SYT16: variants seen among roughly 807,000 people sequenced by gnomAD.
SYT16 encodes synaptotagmin 16.
A neutral mutation model predicts 61.4 loss-of-function variants in SYT16; 42 were observed. That is an observed-to-expected ratio of 0.68 (90% CI 0.53 to 0.89). The LOEUF is 0.89. Among genes scored for constraint, SYT16 ranks in the 40% least tolerant of loss-of-function variants. The pLI is 0.00. For synonymous variants in SYT16, 314 were observed against 302.3 expected (o/e 1.04, Z -0.40); for missense variants, 804 against 807.3 (o/e 1.00, Z 0.05).
chr14:61,962,870 G>T (rs2051168549), intron 1 of SYT16, among the ~76,000 whole-genome samples: 1 of 152,026 alleles, frequency 6.6e-6, no homozygotes, highest in Non-Finnish European at 1.5e-5. Flanking sequence ...TTTATTAGTT[G>T]TACTTCTCAT....
intron 3 of SYT16, among the ~76,000 whole-genome samples, chr14:62,066,820 TG>T (rs2140933883): frequency 6.6e-6 from 1 of 152,356 alleles, no homozygotes; most frequent in Non-Finnish European, 1.5e-5. Context: ...CAGTCTGATG[TG>T]CTCCTCGCCC....
Position 62,069,583 on chromosome 14 carries a change from T to C in SYT16, c.524-20T>C, listed in dbSNP as rs201851948. On this transcript the variant is annotated intron_variant, in intron 3 of 7. Transcript: ENST00000683842. ...GCATATAGGCCACACAGGAGACTCA[T>C]GGCTCTTGTTTACTCCCAGTCAACA... 24 of 1,609,866 alleles carry C rather than the reference T, an allele frequency of 1.5e-5. No homozygotes were observed. In the African/African-American group the frequency reaches 1.9e-4, roughly 13 times the overall value.
intron 1 of SYT16, among the ~76,000 whole-genome samples, chr14:61,891,454 T>G (rs2048128362): frequency 6.6e-6 from 1 of 152,206 alleles, no homozygotes; most frequent in Non-Finnish European, 1.5e-5. Context: ...TCATGTTGGA[T>G]GATTTCAGCA....
chr14:61,933,997 A>G (rs1270739987), intron 1 of SYT16, among the ~76,000 whole-genome samples: 2 of 152,198 alleles, frequency 1.3e-5, no homozygotes, highest in East Asian at 1.9e-4. Flanking sequence ...ATGTATGTAT[A>G]CAAGTACATA....
intron 1 of SYT16, among the ~76,000 whole-genome samples, chr14:61,849,332 G>A (rs982593584): frequency 3.9e-5 from 6 of 152,152 alleles, no homozygotes; most frequent in African/African-American, 9.7e-5. Flanking sequence ...CCAGTGTCTC[G>A]CTGGGTCATG....
At chr14:61,898,897 G>A (rs1294289090) in intron 1 of SYT16, among the ~76,000 whole-genome samples, 1 of 152,162 alleles carries the variant, frequency 6.6e-6, no homozygotes, top group African/African-American at 2.4e-5. Flanking sequence ...AGAGAAGAGA[G>A]GGACGAAGAA....
chr14:61,831,540 G>A (rs1297778657), intron 1 of SYT16, among the ~76,000 whole-genome samples: 1 of 151,994 alleles, frequency 6.6e-6, no homozygotes, highest in African/African-American at 2.4e-5. Context: ...ATCTCTTTGA[G>A]TATTGTCTCT....
Position 62,107,729 on chromosome 14 carries a change from CTTGT to C in SYT16, c.*7027_*7030del, listed in dbSNP as rs1428803849. 2.0e-5 allele frequency: 3 copies of C among 152,136 alleles called. No homozygotes were observed. Among genetic ancestry groups the C allele is most frequent in the African/African-American group, 7.2e-5 (3 of 41,414 alleles). The allele number at this position is 152,136 out of a possible 1,614,324, so 9.4% of individuals were successfully genotyped here. A position where few individuals can be genotyped will look rare whatever the true frequency, so the allele number is the denominator to read the frequency against. On this transcript the variant is annotated 3_prime_UTR_variant, in exon 8 of 8. Transcript: ENST00000683842. ...TGTATCTAATTAAGAAATAGGTACA[CTTGT>C]TTGTCAGTCTATGCTTTCATTCAAA... is the stretch of plus-strand genomic sequence containing the variant.
intron 1 of SYT16, among the ~76,000 whole-genome samples, chr14:61,910,071 AT>A (rs1263702032): frequency 6.6e-6 from 1 of 152,202 alleles, no homozygotes; most frequent in Admixed American, 6.5e-5. Context: ...TCTGCTCTAA[AT>A]TTGACAAGTA....
chr14:61,869,287 A>G (rs1485280701), intron 1 of SYT16, among the ~76,000 whole-genome samples: 2 of 152,100 alleles, frequency 1.3e-5, no homozygotes, highest in East Asian at 1.9e-4. Flanking sequence ...ATTTAAACCT[A>G]CCATTTTATT....
At chr14:62,014,741 C>G (rs2053600140) in intron 3 of SYT16, among the ~76,000 whole-genome samples, 1 of 152,080 alleles carries the variant, frequency 6.6e-6, no homozygotes, top group African/African-American at 2.4e-5. Context: ...GCTGGTTTCT[C>G]TATTTTTATG....
rs116998952 is a variant in SYT16, at chr14:61,960,729, G to C, written c.-324-9403G>C. On this transcript the variant is annotated intron_variant, in intron 1 of 7. Transcript: ENST00000683842. ...CCTGATTGCTCTGGCCATGACTGCC[G>C]TACTATGTTGAGTAGGAGTGATGAG... 2.0e-5 allele frequency among the ~76,000 whole-genome samples: 3 copies of C among 152,066 alleles called. 1 individual carries two copies. The highest frequency in any genetic ancestry group is 2.4e-5 in the African/African-American group (1 of 41,488).
At chr14:61,985,659 C>A (rs2052275306) in intron 2 of SYT16, among the ~76,000 whole-genome samples, 1 of 152,084 alleles carries the variant, frequency 6.6e-6, no homozygotes, top group South Asian at 2.1e-4. Context: ...CCTGGAAAAA[C>A]CTCATTCATT....
rs1326551438 is a variant in SYT16, at chr14:61,812,767, G to C, written c.-368G>C. On this transcript the variant is annotated 5_prime_UTR_variant, in exon 1 of 8. Coordinates refer to ENST00000683842, the MANE Select transcript of SYT16 (RefSeq NM_001367656.1). ...GCTCGGCGCCGGTTTCCCGAACCTG[G>C]GCGGCCGTCGGGCAGCCCCCTCGTC... 9 of 151,438 alleles carry C rather than the reference G, an allele frequency of 5.9e-5. No individual in the cohort carries two copies. Among genetic ancestry groups the C allele is most frequent in the Non-Finnish European group, 1.3e-4 (9 of 67,848 alleles). The allele number at this position is 151,438 out of a possible 1,614,324, so 9.4% of individuals were successfully genotyped here.
At chr14:61,877,977 C>T (rs888718452) in intron 1 of SYT16, among the ~76,000 whole-genome samples, 2 of 152,122 alleles carry the variant, frequency 1.3e-5, no homozygotes, top group African/African-American at 2.4e-5. Flanking sequence ...TGCCAGTATA[C>T]CTTGCCCTGG....
At chr14:61,886,483 G>A (rs558362632) in intron 1 of SYT16, among the ~76,000 whole-genome samples, 3 of 152,190 alleles carry the variant, frequency 2.0e-5, no homozygotes, top group South Asian at 2.1e-4. Flanking sequence ...CACTTCAGCC[G>A]TGTCCACAGC....
intron 1 of SYT16, among the ~76,000 whole-genome samples, chr14:61,939,724 T>C (rs546968002): frequency 6.6e-6 from 1 of 152,260 alleles, no homozygotes; most frequent in African/African-American, 2.4e-5. Context: ...AGGATTTCAA[T>C]CTGTGAATTT....
At chr14:61,951,490 A>ATATTTCACTCC (rs2140476684) in intron 1 of SYT16, among the ~76,000 whole-genome samples, 1 of 151,922 alleles carries the variant, frequency 6.6e-6, no homozygotes, top group Non-Finnish European at 1.5e-5. Flanking sequence ...GTTGAAAAAT[A>ATATTTCACTCC]AAGTTACAAA....
At chr14:61,970,076 G>A (rs2051483434) in intron 1 of SYT16, 56 bp from the exon 2 acceptor site, 1 of 152,144 alleles carries the variant, frequency 6.6e-6, no homozygotes, top group Non-Finnish European at 1.5e-5. Context: ...TGTTAGAACT[G>A]AAACTTAGGT....
Sources: allele counts gnomAD v4.1 joint callset (sites outside exome capture counted in the v4.1 genomes callset), GRCh38; gene constraint gnomAD v4.1.1; transcripts MANE v1.5; gene names NCBI Gene and HGNC (gene_info 2026-07-23, HGNC 2026-07-21).